Variants in PPM1E observed in about 807,000 individuals in gnomAD.
PPM1E encodes protein phosphatase 1E.
A neutral mutation model predicts 65.9 loss-of-function variants in PPM1E; 20 were observed. The observed-to-expected ratio is 0.30, with a 90% confidence interval of 0.21 to 0.44. The LOEUF (loss-of-function observed/expected upper bound fraction) is 0.44. Ranked by LOEUF, PPM1E falls within the 20% of genes least tolerant of loss-of-function variation. The pLI, the probability that PPM1E is intolerant of heterozygous loss-of-function variation, is 1.00. For synonymous variants in PPM1E, 352 were observed against 374.9 expected, an observed-to-expected ratio of 0.94 and a Z score of 0.70; for missense variants, 713 against 953.1, an observed-to-expected ratio of 0.75 and a Z score of 3.32.
At chr17:58,935,545 CAA>C (rs2051968186) in intron 1 of PPM1E, among the ~76,000 whole-genome samples, 1 of 152,154 alleles carries the variant, frequency 6.6e-6, no homozygotes. Flanking sequence ...GTGATGTTGA[CAA>C]GAGCTGTTTC....
At chr17:58,861,654 G>A (rs1243320615) in intron 1 of PPM1E, among the ~76,000 whole-genome samples, 1 of 152,138 alleles carries the variant, frequency 6.6e-6, no homozygotes, top group Non-Finnish European at 1.5e-5. Context: ...GGCTGGGCAC[G>A]GTGGCTCACG....
chr17:58,833,622 G>A (rs780323168), intron 1 of PPM1E, among the ~76,000 whole-genome samples: 1 of 151,888 alleles, frequency 6.6e-6, no homozygotes, highest in Non-Finnish European at 1.5e-5. Context: ...TCTTTATCCA[G>A]ACCACATCTG....
chr17:58,809,114 T>G (rs2050341584), intron 1 of PPM1E, among the ~76,000 whole-genome samples: 1 of 152,066 alleles, frequency 6.6e-6, no homozygotes, highest in African/African-American at 2.4e-5. Flanking sequence ...TTTTAAGAGA[T>G]AGGGACTTGC....
At chr17:58,777,251 G>A (rs1339248844) in intron 1 of PPM1E, among the ~76,000 whole-genome samples, 1 of 152,056 alleles carries the variant, frequency 6.6e-6, no homozygotes, top group Non-Finnish European at 1.5e-5. Flanking sequence ...TCATAGATAT[G>A]CCCAAACATT....
At chr17:58,898,726 A>G (rs1054232865) in intron 1 of PPM1E, among the ~76,000 whole-genome samples, 12 of 152,234 alleles carry the variant, frequency 7.9e-5, no homozygotes, top group Non-Finnish European at 1.8e-4. Context: ...TTATTGCGGC[A>G]CTATTCACAA....
intron 1 of PPM1E, among the ~76,000 whole-genome samples, chr17:58,779,175 A>AT (rs57635808): frequency 0.15 from 19,828 of 131,700 alleles, 2,478 homozygotes; most frequent in East Asian, 0.43. Flanking sequence ...ATGAATTCTG[A>AT]TTTTTTTTTT....
chr17:58,875,542 G>A (rs1478956322), intron 1 of PPM1E, among the ~76,000 whole-genome samples: 1 of 152,112 alleles, frequency 6.6e-6, no homozygotes, highest in East Asian at 1.9e-4. Context: ...CACCAATGTG[G>A]CAGAACCAAG....
At chr17:58,887,991 T>G (rs980655535) in intron 1 of PPM1E, among the ~76,000 whole-genome samples, 2 of 152,134 alleles carry the variant, frequency 1.3e-5, no homozygotes, top group Non-Finnish European at 2.9e-5. Context: ...GTGGTGTACG[T>G]GAAGGGAAGA....
chr17:58,838,694 T>G (rs2143206902), intron 1 of PPM1E, among the ~76,000 whole-genome samples: 2 of 152,326 alleles, frequency 1.3e-5, no homozygotes, highest in South Asian at 4.1e-4. Flanking sequence ...CCAGTTGAGT[T>G]GTAAACTTAC....
At chr17:58,954,091 A>G (rs2052280475) in intron 1 of PPM1E, among the ~76,000 whole-genome samples, 1 of 152,014 alleles carries the variant, frequency 6.6e-6, no homozygotes, top group African/African-American at 2.4e-5. Flanking sequence ...TTTCTACTTT[A>G]CCCCACTTCC....
intron 1 of PPM1E, among the ~76,000 whole-genome samples, chr17:58,923,610 T>C (rs1205402121): frequency 6.6e-6 from 1 of 151,534 alleles, no homozygotes; most frequent in African/African-American, 2.4e-5. Context: ...CCAGGTGTGG[T>C]GGCATGTGCC....
At chr17:58,897,222 GGCTAAC>G (rs754697528) in intron 1 of PPM1E, among the ~76,000 whole-genome samples, 19 of 152,170 alleles carry the variant, frequency 1.2e-4, no homozygotes, top group Admixed American at 7.2e-4. Context: ...AGACCATCCT[GGCTAAC>G]ATGGTGAAAC....
intron 1 of PPM1E, among the ~76,000 whole-genome samples, chr17:58,830,031 C>A (rs568311641): frequency 6.6e-6 from 1 of 152,044 alleles, no homozygotes; most frequent in East Asian, 1.9e-4. Flanking sequence ...AAAAATTAGC[C>A]AGGCATGGTG....
Position 58,985,094 on chromosome 17 carries a change from A to G in PPM1E, c.*4063A>G, listed in dbSNP as rs753603152. On this transcript the variant is annotated 3_prime_UTR_variant, in exon 7 of 7. Transcript: ENST00000308249. Reference sequence around the variant, plus strand: ...CAGTTGTAGTCATGAGTGATCCTTCATATTTTATTAAAAGTGTTCATTCAG... The same window carrying G: ...CAGTTGTAGTCATGAGTGATCCTTCGTATTTTATTAAAAGTGTTCATTCAG... 4.6e-5 allele frequency: 7 copies of G among 152,662 alleles called. No individual in the cohort carries two copies. The highest frequency in any genetic ancestry group is 7.3e-5 in the Non-Finnish European group (5 of 68,038). The allele number at this position is 152,662 out of a possible 1,614,324, so 9.5% of individuals were successfully genotyped here. A position where few individuals can be genotyped will look rare whatever the true frequency, so the allele number is the denominator to read the frequency against.
At chr17:58,756,868 G>T (rs304296) in intron 1 of PPM1E, among the ~76,000 whole-genome samples, 96,831 of 152,076 alleles carry the variant, frequency 0.64, 31,214 homozygotes, top group African/African-American at 0.71. Flanking sequence ...TTCTTTCTCC[G>T]GGAGGTTTCC....
intron 1 of PPM1E, among the ~76,000 whole-genome samples, chr17:58,791,405 A>T (rs1017693859): frequency 3.3e-5 from 5 of 152,048 alleles, no homozygotes; most frequent in Admixed American, 6.6e-5. Context: ...TTTCTGCTCA[A>T]CTCTGCATTT....
At chr17:58,766,196 G>GTTTTTTTT (rs10604459) in intron 1 of PPM1E, among the ~76,000 whole-genome samples, 4 of 65,134 alleles carry the variant, frequency 6.1e-5, no homozygotes, top group African/African-American at 6.5e-5. Flanking sequence ...TGTAATTTCT[G>GTTTTTTTT]TTTTTTTTTT....
chr17:58,816,511 A>G (rs1470534212), intron 1 of PPM1E, among the ~76,000 whole-genome samples: 1 of 151,184 alleles, frequency 6.6e-6, no homozygotes, highest in African/African-American at 2.4e-5. Context: ...CATCAGCCCA[A>G]ATCAGACTTC....
intron 1 of PPM1E, among the ~76,000 whole-genome samples, chr17:58,841,372 G>A (rs2050715678): frequency 1.3e-5 from 2 of 152,076 alleles, no homozygotes; most frequent in African/African-American, 4.8e-5. Context: ...ACACCTTCAA[G>A]CCAAGTGATT....
Sources: allele counts gnomAD v4.1 joint callset (sites outside exome capture counted in the v4.1 genomes callset), GRCh38; gene constraint gnomAD v4.1.1; transcripts MANE v1.5; gene names NCBI Gene and HGNC (gene_info 2026-07-23, HGNC 2026-07-21).